MKLN1: variants seen among roughly 807,000 people sequenced by gnomAD.
MKLN1 encodes the protein muskelin 1.
Under a neutral mutation model 99.0 loss-of-function variants are expected in MKLN1, and 18 were observed. The ratio of observed to expected loss-of-function variants is 0.18; its 90% confidence interval spans 0.13 to 0.27. The LOEUF (loss-of-function observed/expected upper bound fraction) is 0.27. MKLN1 is among the 10% of genes least tolerant of loss of function. The pLI, the probability that MKLN1 is intolerant of heterozygous loss-of-function variation, is 1.00. For missense variants in MKLN1, 621 were observed against 875.9 expected, an observed-to-expected ratio of 0.71 and a Z score of 3.67; for synonymous variants, 288 against 293.2, an observed-to-expected ratio of 0.98 and a Z score of 0.18.
At chr7:131,305,296 A>T (rs1798437870) in intron 3 of MKLN1, among the ~76,000 whole-genome samples, 1 of 152,220 alleles carries the variant, frequency 6.6e-6, no homozygotes, top group East Asian at 1.9e-4. Context: ...TTGCCTGAAA[A>T]ATAAACTCAG....
chr7:131,388,375 A>G (rs1200892843), intron 3 of MKLN1, among the ~76,000 whole-genome samples: 1 of 152,164 alleles, frequency 6.6e-6, no homozygotes, highest in African/African-American at 2.4e-5. Context: ...ATTTATTTTT[A>G]TTTAGGATAA....
At chr7:131,111,007 A>G (rs1275957687) in intron 1 of MKLN1, among the ~76,000 whole-genome samples, 1 of 152,230 alleles carries the variant, frequency 6.6e-6, no homozygotes, top group Non-Finnish European at 1.5e-5. Flanking sequence ...AAATATACGG[A>G]CAGGCTTGGC....
chr7:131,126,050 AT>A (rs5741664), intron 1 of MKLN1, among the ~76,000 whole-genome samples: 7,771 of 55,894 alleles, frequency 0.14, 438 homozygotes, highest in East Asian at 0.43. Context: ...AAATAAATAA[AT>A]TAATTAATTA....
rs148148572 is a variant in MKLN1 at position 131,303,266 on chromosome 7, T to A, written c.-178-72158T>A. 1.2e-3 allele frequency among the ~76,000 whole-genome samples: 187 copies of A among 152,322 alleles called. 1 individual carries two copies. The highest frequency in any genetic ancestry group is 2.0e-3 in the Non-Finnish European group (135 of 68,022). Reference sequence around the variant, plus strand: ...GAAAACGGATGAATTCTGTCTGATTTCTGCAGCAGGCGGAGGCTGCAGCTG... The same window carrying A: ...GAAAACGGATGAATTCTGTCTGATTACTGCAGCAGGCGGAGGCTGCAGCTG... On this transcript the variant is annotated intron_variant, in intron 3 of 7. Transcript: ENST00000416992.
At chr7:131,152,549 G>C (rs1795903614) in intron 2 of MKLN1, among the ~76,000 whole-genome samples, 1 of 149,206 alleles carries the variant, frequency 6.7e-6, no homozygotes, top group Non-Finnish European at 1.5e-5. Context: ...ACCCGGGCTG[G>C]AGTGCAGTGG....
intron 3 of MKLN1, among the ~76,000 whole-genome samples, chr7:131,284,143 G>A (rs1798099541): frequency 6.6e-6 from 1 of 152,076 alleles, no homozygotes; most frequent in South Asian, 2.1e-4. Flanking sequence ...AATATATCTA[G>A]AACAAAAATT....
chr7:131,360,566 T>A (rs966723221), intron 1 of MKLN1, among the ~76,000 whole-genome samples: 57 of 152,310 alleles, frequency 3.7e-4, no homozygotes, highest in African/African-American at 1.3e-3. Flanking sequence ...GTACCTAATA[T>A]CAGAGTATTT....
intron 2 of MKLN1, among the ~76,000 whole-genome samples, chr7:131,185,184 C>T (rs1444834210): frequency 2.0e-5 from 3 of 152,170 alleles, no homozygotes; most frequent in African/African-American, 7.2e-5. Context: ...ACATCAAGCA[C>T]TTGAGAGCAG....
Position 131,192,212 on chromosome 7 carries a change from A to C in MKLN1, c.-296-10645A>C, listed in dbSNP as rs1344461780. ...TAAAATATAATATATACAATATATA[A>C]ATATATAAAATATATACAATATATA... On this transcript the variant is annotated intron_variant, in intron 2 of 7. Transcript: ENST00000416992. Among the ~76,000 whole-genome samples, 4 of 66,928 alleles carry C rather than the reference A, an allele frequency of 6.0e-5. 1 individual carries two copies. Among genetic ancestry groups the C allele is most frequent in the African/African-American group, 2.9e-4 (4 of 13,974 alleles). The allele number at this position is 66,928 out of a possible 152,430, so 43.9% of individuals were successfully genotyped here.
intron 2 of MKLN1, among the ~76,000 whole-genome samples, chr7:131,165,432 G>A (rs1482534633): frequency 6.6e-6 from 1 of 152,098 alleles, no homozygotes; most frequent in Non-Finnish European, 1.5e-5. Flanking sequence ...TGATCTGCCC[G>A]CCTCGGCCTT....
chr7:131,451,176 ATT>A (rs1328847135), intron 12 of MKLN1, among the ~76,000 whole-genome samples: 1 of 152,228 alleles, frequency 6.6e-6, no homozygotes, highest in Non-Finnish European at 1.5e-5. Context: ...TTTTTAAAAT[ATT>A]CTTAGAAAAC....
At chr7:131,113,047 C>A (rs1197653316) in intron 1 of MKLN1, among the ~76,000 whole-genome samples, 1 of 152,142 alleles carries the variant, frequency 6.6e-6, no homozygotes, top group Non-Finnish European at 1.5e-5. Flanking sequence ...GAATAAGACA[C>A]AGTTTCTGCT....
At chr7:131,190,842 C>A (rs1796527930) in intron 2 of MKLN1, among the ~76,000 whole-genome samples, 1 of 152,154 alleles carries the variant, frequency 6.6e-6, no homozygotes, top group Admixed American at 6.5e-5. Flanking sequence ...GGATGGATAA[C>A]AACTTCAGAC....
intron 16 of MKLN1, among the ~76,000 whole-genome samples, chr7:131,476,550 C>T (rs1347408090): frequency 1.3e-5 from 2 of 152,140 alleles, no homozygotes; most frequent in Non-Finnish European, 2.9e-5. Flanking sequence ...TAGCATCAGA[C>T]ATATCAAATG....
chr7:131,344,782 A>G (rs566716049), intron 1 of MKLN1, among the ~76,000 whole-genome samples: 1 of 152,132 alleles, frequency 6.6e-6, no homozygotes, highest in African/African-American at 2.4e-5. Flanking sequence ...GACCTAATCA[A>G]TTTGTCAGTT....
chr7:131,462,263 CAT>C (rs2116605668), intron 12 of MKLN1, among the ~76,000 whole-genome samples: 1 of 152,240 alleles, frequency 6.6e-6, no homozygotes, highest in African/African-American at 2.4e-5. Context: ...GTCATGGCCT[CAT>C]ATGATCCTCC....
intron 2 of MKLN1, among the ~76,000 whole-genome samples, chr7:131,378,308 C>T (rs1322526477): frequency 1.3e-5 from 2 of 152,144 alleles, no homozygotes; most frequent in African/African-American, 4.8e-5. Flanking sequence ...TACTGGGTTT[C>T]ACCATGTTGG....
intron 2 of MKLN1, among the ~76,000 whole-genome samples, chr7:131,160,973 T>C (rs1796039906): frequency 6.6e-6 from 1 of 152,194 alleles, no homozygotes. Context: ...TGTCTCCTTC[T>C]TGGGGTTTCA....
chr7:131,369,764 C>T (rs1460459901), intron 1 of MKLN1, among the ~76,000 whole-genome samples: 1 of 152,228 alleles, frequency 6.6e-6, no homozygotes, highest in Non-Finnish European at 1.5e-5. Flanking sequence ...CAAAAAGATA[C>T]ATATTGGCCC....
Sources: allele counts gnomAD v4.1 joint callset (sites outside exome capture counted in the v4.1 genomes callset), GRCh38; gene constraint gnomAD v4.1.1; transcripts MANE v1.5; gene names NCBI Gene and HGNC (gene_info 2026-07-23, HGNC 2026-07-21).